MCF2L: variants seen among roughly 807,000 people sequenced by gnomAD.
The protein encoded by MCF2L is guanine nucleotide exchange factor DBS.
In MCF2L, 97 loss-of-function variants were observed where a neutral mutation model predicts 153.4. The ratio of observed to expected loss-of-function variants is 0.63; its 90% CI spans 0.54 to 0.75. The LOEUF is 0.75. Among genes scored for constraint, MCF2L ranks in the 30% least tolerant of loss-of-function variants. MCF2L has a pLI of 0.00. For missense variants in MCF2L, 1,347 were observed against 1,495.2 expected, an observed-to-expected ratio of 0.90 and a Z score of 1.64; for synonymous variants, 659 against 632.2, an observed-to-expected ratio of 1.04 and a Z score of -0.64.
chr13:112,966,551 G>A (rs771096894), upstream of MCF2L, among the ~76,000 whole-genome samples: 6 of 152,196 alleles, frequency 3.9e-5, no homozygotes, highest in Non-Finnish European at 7.3e-5. This position sits in a 1 kb window ranked among gnomAD's most constrained non-coding sequence, Gnocchi z 4.1. Context: ...ATCTGGGCAC[G>A]GTGGCCCAGC....
chr13:112,954,718 T>C (rs2081736692), intron 2 of MCF2L, among the ~76,000 whole-genome samples: 1 of 152,218 alleles, frequency 6.6e-6, no homozygotes, highest in African/African-American at 2.4e-5. Flanking sequence ...CCAGGACCTC[T>C]GGGGTGCTTT....
rs7337434 is a variant in MCF2L at position 113,053,553 on chromosome 13, A to G, written c.370-7040A>G. 0.81 allele frequency among the ~76,000 whole-genome samples: 123,006 copies of G among 152,110 alleles called. 49,994 individuals carry two copies. Among genetic ancestry groups the G allele is most frequent in the African/African-American group, 0.86 (35,841 of 41,508 alleles). On this transcript the variant is annotated intron_variant, in intron 4 of 29. Coordinates refer to ENST00000535094, the MANE Select transcript of MCF2L (RefSeq NM_001112732.3). The surrounding 1 kb of genome is among the most constrained non-coding windows in gnomAD (Gnocchi z 4.4). ...GCCAAGGAGGCGTCCGGATTTCCCC[A>G]GGAGAAGGTGCCTCTCCTCTTGGTA...
At chr13:112,926,750 C>T (rs2081410964) in intron 2 of MCF2L, among the ~76,000 whole-genome samples, 1 of 152,134 alleles carries the variant, frequency 6.6e-6, no homozygotes, top group South Asian at 2.1e-4. Context: ...TACATGTGTA[C>T]TCGCAGAAAG....
At chr13:112,922,884 G>A (rs1190673905) in intron 2 of MCF2L, among the ~76,000 whole-genome samples, 1 of 152,200 alleles carries the variant, frequency 6.6e-6, no homozygotes, top group African/African-American at 2.4e-5. Context: ...TTTATTCAAG[G>A]AATGCAAAGA....
At chr13:113,020,064 G>A (rs188592876) in intron 2 of MCF2L, among the ~76,000 whole-genome samples, 80 of 152,358 alleles carry the variant, frequency 5.3e-4, no homozygotes, top group African/African-American at 1.9e-3. Flanking sequence ...TAGGAGTTCC[G>A]TGTGGCTAAG....
At chr13:112,968,882 C>A (rs2081948203), upstream of MCF2L, 1 of 769,166 alleles carries the variant, frequency 1.3e-6, no homozygotes, top group Non-Finnish European at 1.9e-6. Flanking sequence ...GGGACCTCGG[C>A]GGTGACACGA....
rs545119519 is a variant in MCF2L at position 112,954,074 on chromosome 13, G to A, written c.169+51703G>A. Among the ~76,000 whole-genome samples the A allele has an allele frequency of 7.2e-5, 11 of 152,318 alleles. No homozygotes were observed. In the South Asian group the frequency reaches 1.9e-3, roughly 26 times the overall value. The stretch of plus-strand genomic sequence containing the variant: ...TTGTTGATCTTGTGCCTGATGTTGC[G>A]AAGTGAGGTGAGGCCATTGTGGAAT... On this transcript the variant is annotated intron_variant, in intron 2 of 29. Coordinates refer to the MCF2L transcript ENST00000375608.
rs575559733 is a variant in MCF2L at position 113,069,945 on chromosome 13, C to G, written c.882-114C>G. ...GCAGGGAGTGAGCGGAGGCCAGGATCTCAGGAAGGCCCGGGGTGGAGATGA... is the reference window on the plus strand; with the variant it reads ...GCAGGGAGTGAGCGGAGGCCAGGATGTCAGGAAGGCCCGGGGTGGAGATGA... On this transcript the variant is annotated intron_variant, in intron 8 of 29. Transcript: ENST00000535094. 107 of 650,752 alleles carry G rather than the reference C, an allele frequency of 1.6e-4. 1 individual carries two copies. Among genetic ancestry groups the G allele is most frequent in the Middle Eastern group, 8.8e-4 (3 of 3,416 alleles). The allele number at this position is 650,752 out of a possible 1,614,324, so 40.3% of individuals were successfully genotyped here.
At chr13:113,001,478 C>T (rs1220636226) in intron 1 of MCF2L, 1 of 165,890 alleles carries the variant, frequency 6.0e-6, no homozygotes, top group Non-Finnish European at 1.3e-5. Flanking sequence ...GCCTAGGTCC[C>T]CACAGCTGTG....
chr13:113,011,395 A>G (rs898221245), intron 1 of MCF2L, among the ~76,000 whole-genome samples: 9 of 152,262 alleles, frequency 5.9e-5, no homozygotes, highest in Admixed American at 4.6e-4. Context: ...CAGCAGGTAG[A>G]CAGTGCAGTG....
At chr13:113,057,147 T>C (rs1202277242) in intron 4 of MCF2L, among the ~76,000 whole-genome samples, 1 of 148,534 alleles carries the variant, frequency 6.7e-6, no homozygotes, top group East Asian at 2.1e-4. Flanking sequence ...GTTTGGGTGC[T>C]GAGTGGGTGC....
At chr13:112,973,683 T>G (rs1483238043) in intron 1 of MCF2L, among the ~76,000 whole-genome samples, 2 of 152,224 alleles carry the variant, frequency 1.3e-5, no homozygotes, top group African/African-American at 4.8e-5. Flanking sequence ...GGCAGACTTA[T>G]GAGCTCCCGG....
chr13:113,011,109 G>T (rs550706651), intron 1 of MCF2L, among the ~76,000 whole-genome samples: 1 of 152,168 alleles, frequency 6.6e-6, no homozygotes, highest in Non-Finnish European at 1.5e-5. Context: ...CCAGGGCCCC[G>T]CCTGCAGAAG....
At chr13:113,002,076 A>G in intron 1 of MCF2L, 1 of 1,364,060 alleles carries the variant, frequency 7.3e-7, no homozygotes, top group Non-Finnish European at 9.5e-7. Flanking sequence ...TTCTGGGCCC[A>G]GCCCTGTCCT....
intron 5 of MCF2L, among the ~76,000 whole-genome samples, chr13:113,062,511 A>G (rs1305416429): frequency 6.6e-6 from 1 of 151,926 alleles, no homozygotes; most frequent in Non-Finnish European, 1.5e-5. Context: ...GGGGAGCAAG[A>G]CCGACCTCAC....
chr13:112,910,528 G>A (rs2081219871), intron 2 of MCF2L: 1 of 152,196 alleles, frequency 6.6e-6, no homozygotes, highest in African/African-American at 2.4e-5. Context: ...TTATAAAAAC[G>A]ATACACAGTC....
chr13:112,918,612 G>T (rs1243695137), intron 2 of MCF2L, among the ~76,000 whole-genome samples: 2 of 152,226 alleles, frequency 1.3e-5, no homozygotes, highest in Non-Finnish European at 2.9e-5. Context: ...AAAGTCAGCT[G>T]CCTTGGAAGA....
chr13:113,091,265 G>A lies in MCF2L; in HGVS notation c.2953+1537G>A, dbSNP rs1416424738. 2.9e-5 allele frequency: 37 copies of A among 1,279,172 alleles called. No individual in the cohort carries two copies. The South Asian group carries it at 3.1e-4, about 11-fold the overall frequency. 79.2% of individuals were successfully genotyped at this position (1,279,172 alleles called of 1,614,324 possible). A position where few individuals can be genotyped will look rare whatever the true frequency, so the allele number is the denominator to read the frequency against. On this transcript the variant is annotated intron_variant, in intron 26 of 29. Transcript: ENST00000535094. The stretch of plus-strand genomic sequence containing the variant: ...GAAGCGCGGCCCAGCTGGCTGTCAG[G>A]TGGCCGTCAAGGCCACCTAAGGGGG...
At chr13:113,091,768 G>T (rs2035241475) in intron 26 of MCF2L, among the ~76,000 whole-genome samples, 1 of 151,616 alleles carries the variant, frequency 6.6e-6, no homozygotes, top group Non-Finnish European at 1.5e-5. Context: ...GGTGAAAACT[G>T]CCCTGTGAAG....
Sources: gnomAD v4.1 joint callset for allele counts (sites outside exome capture counted in the v4.1 genomes callset) on GRCh38, gnomAD v4.1.1 for gene constraint, Gnocchi (gnomAD v3.1) non-coding constraint, MANE v1.5 for transcripts, NCBI Gene and HGNC (gene_info 2026-07-23, HGNC 2026-07-21) for gene names.